AUTS2: variants seen among roughly 807,000 people sequenced by gnomAD.
AUTS2 encodes the protein autism susceptibility gene 2 protein.
A neutral mutation model predicts 112.4 loss-of-function variants in AUTS2; 17 were observed. The observed-to-expected ratio is 0.15, with a 90% CI of 0.10 to 0.23. The LOEUF is 0.23. AUTS2 is among the 10% of genes least tolerant of loss of function. AUTS2 has a pLI of 1.00. For synonymous variants in AUTS2, 751 were observed against 702.7 expected, an observed-to-expected ratio of 1.07 and a Z score of -1.09; for missense variants, 1,510 against 1,701.6, an observed-to-expected ratio of 0.89 and a Z score of 1.98.
chr7:70,760,662 G>A (rs1038222893), intron 6 of AUTS2, among the ~76,000 whole-genome samples: 1 of 152,252 alleles, frequency 6.6e-6, no homozygotes, highest in African/African-American at 2.4e-5. Flanking sequence ...CTTCCTCATT[G>A]GATCCAGGAG....
At chr7:70,247,641 T>A (rs989048997) in intron 4 of AUTS2, among the ~76,000 whole-genome samples, 6 of 152,268 alleles carry the variant, frequency 3.9e-5, no homozygotes, top group African/African-American at 1.4e-4. Context: ...AACTTACCAG[T>A]TATAGTAAGT....
chr7:70,783,253 C>T (rs1276693180), intron 15 of AUTS2: 7 of 152,178 alleles, frequency 4.6e-5, no homozygotes, highest in African/African-American at 1.7e-4. Flanking sequence ...AATATATTCA[C>T]TTGGTGGAGG....
intron 4 of AUTS2, among the ~76,000 whole-genome samples, chr7:70,335,787 A>G (rs1330707060): frequency 1.3e-5 from 2 of 152,366 alleles, no homozygotes; most frequent in East Asian, 1.9e-4. Context: ...TGGAAAATGC[A>G]TACATCCATT....
chr7:70,376,990 C>G (rs966166245), intron 4 of AUTS2, among the ~76,000 whole-genome samples: 1 of 151,534 alleles, frequency 6.6e-6, no homozygotes, highest in African/African-American at 2.4e-5. Flanking sequence ...TGGCTAATGT[C>G]CACGAACTGG....
chr7:69,871,263 T>A (rs1370547131), intron 1 of AUTS2, among the ~76,000 whole-genome samples: 1 of 152,168 alleles, frequency 6.6e-6, no homozygotes, highest in East Asian at 1.9e-4. Context: ...GAACACTATT[T>A]CCAGCTTTCT....
At chr7:70,774,963 C>T in intron 12 of AUTS2, 1 of 208,722 alleles carries the variant, frequency 4.8e-6, no homozygotes. Context: ...GAAAGGACAC[C>T]TCTCCCCAGA....
chr7:70,301,851 C>T (rs1789231520), intron 4 of AUTS2, among the ~76,000 whole-genome samples: 1 of 152,074 alleles, frequency 6.6e-6, no homozygotes, highest in Non-Finnish European at 1.5e-5. Flanking sequence ...TTCTGCCTCC[C>T]AGGCTCAAGC....
intron 5 of AUTS2, among the ~76,000 whole-genome samples, chr7:70,689,119 G>T (rs1209929504): frequency 6.6e-6 from 1 of 152,202 alleles, no homozygotes; most frequent in African/African-American, 2.4e-5. Context: ...CACTTTGGGA[G>T]GCAGAGGCAG....
At chr7:69,745,551 A>G (rs1787454179) in intron 1 of AUTS2, among the ~76,000 whole-genome samples, 1 of 152,160 alleles carries the variant, frequency 6.6e-6, no homozygotes, top group African/African-American at 2.4e-5. Context: ...GCAAGCTCTC[A>G]AGTTTACAGA....
At chr7:70,584,667 G>A (rs1011784740) in intron 5 of AUTS2, among the ~76,000 whole-genome samples, 19 of 152,254 alleles carry the variant, frequency 1.2e-4, no homozygotes, top group African/African-American at 4.1e-4. Flanking sequence ...GGCCGAGAAC[G>A]CCATGCTTAG....
intron 5 of AUTS2, among the ~76,000 whole-genome samples, chr7:70,684,906 A>G (rs768246875): frequency 7.2e-5 from 11 of 152,176 alleles, no homozygotes; most frequent in Non-Finnish European, 1.5e-4. Context: ...CTGGAAAAAT[A>G]TGTGTTACTC....
At chr7:70,262,557 T>C (rs760965741) in intron 4 of AUTS2, among the ~76,000 whole-genome samples, 4 of 152,366 alleles carry the variant, frequency 2.6e-5, no homozygotes, top group Middle Eastern at 3.4e-3. Flanking sequence ...TTAAAACTTA[T>C]ATGAAGTATG....
At chr7:70,711,131 C>A (rs560255066) in intron 6 of AUTS2, among the ~76,000 whole-genome samples, 1 of 152,194 alleles carries the variant, frequency 6.6e-6, no homozygotes, top group Non-Finnish European at 1.5e-5. Context: ...GCCTCACCCC[C>A]CCAGAGCACA....
chr7:70,395,645 AT>A (rs1562933341), intron 4 of AUTS2, among the ~76,000 whole-genome samples: 6 of 152,216 alleles, frequency 3.9e-5, no homozygotes, highest in Non-Finnish European at 7.3e-5. Flanking sequence ...TGTGCTTAAC[AT>A]AGGTTGAAAG....
intron 2 of AUTS2, among the ~76,000 whole-genome samples, chr7:69,920,829 A>C (rs1795780471): frequency 6.6e-6 from 1 of 152,192 alleles, no homozygotes; most frequent in African/African-American, 2.4e-5. Flanking sequence ...CAAACCTGAG[A>C]GATGTCAGAG....
At chr7:70,689,165 TG>T (rs1808617949) in intron 5 of AUTS2, among the ~76,000 whole-genome samples, 1 of 151,960 alleles carries the variant, frequency 6.6e-6, no homozygotes, top group Non-Finnish European at 1.5e-5. Context: ...AAGACCAGCC[TG>T]GGAAACATGG....
chr7:70,665,601 A>G (rs1585468603), intron 5 of AUTS2, among the ~76,000 whole-genome samples: 2 of 152,154 alleles, frequency 1.3e-5, no homozygotes, highest in East Asian at 3.9e-4. Context: ...ACACCCAGGC[A>G]GAAACACAAA....
In AUTS2 at chr7:70,758,848, A is replaced by G. The variant is rs79438754; in HGVS notation, c.743-4022A>G. ...TGGAAAAGCTTAACTGGGAAGATAC[A>G]TTTATTGAATAATTGAAAGGAAGAG... On this transcript the variant is annotated intron_variant, in intron 6 of 18. Coordinates refer to ENST00000342771, the MANE Select transcript of AUTS2 (RefSeq NM_015570.4). Among the ~76,000 whole-genome samples, 141 of 152,324 alleles carry G rather than the reference A, an allele frequency of 9.3e-4. No homozygotes were observed. The East Asian group carries it at 0.022, about 24-fold the overall frequency.
chr7:69,602,072 GTGTGTGTGTGTGTGTGTGTGTA>G (rs1222307304), intron 1 of AUTS2, among the ~76,000 whole-genome samples: 914 of 49,232 alleles, frequency 0.019, 20 homozygotes, highest in African/African-American at 0.06. Context: ...GTGTGTGTGT[GTGTGTGTGTGTGTGTGTGTGTA>G]TATCTCACTT....
Sources: gnomAD v4.1 joint callset for allele counts (sites outside exome capture counted in the v4.1 genomes callset) on GRCh38, gnomAD v4.1.1 for gene constraint, MANE v1.5 for transcripts, NCBI Gene and HGNC (gene_info 2026-07-23, HGNC 2026-07-21) for gene names.